The following PGLYRP3 variants were observed in gnomAD, a reference collection of about 807,000 sequenced individuals.
PGLYRP3 encodes the protein peptidoglycan recognition protein 3.
In PGLYRP3, 39 loss-of-function variants were observed where a neutral mutation model predicts 36.0. The ratio of observed to expected loss-of-function variants is 1.08; its 90% CI spans 0.84 to 1.41. The LOEUF is 1.41. PGLYRP3 is among the 40% of genes most tolerant of loss of function. PGLYRP3 has a pLI of 0.00. For missense variants in PGLYRP3, 407 were observed against 427.9 expected (o/e 0.95, Z 0.43); for synonymous variants, 204 against 172.8 (o/e 1.18, Z -1.42).
In PGLYRP3 at chr1:153,297,861, G is replaced by C. The variant is rs1659477647; in HGVS notation, c.*95C>G. The C allele has an allele frequency of 2.2e-6, 3 of 1,361,044 alleles. No individual in the cohort carries two copies. The highest frequency in any genetic ancestry group is 3.1e-6 in the Non-Finnish European group (3 of 979,336). The allele number at this position is 1,361,044 out of a possible 1,614,324, so 84.3% of individuals were successfully genotyped here. ...CCTGAGAAAGGATGGGCTGGCAGGG[G>C]AGGGGGACACAAGGTGCTGAGCCAC... is the stretch of plus-strand genomic sequence containing the variant. On this transcript the variant is annotated 3_prime_UTR_variant, in exon 8 of 8. Transcript: ENST00000683862.
At position 153,304,446 on chromosome 1, in the gene PGLYRP3, A is replaced by C. The variant is rs141190014; in HGVS notation, c.377-437T>G. ...GAGAGAAATGCTGTTACCTAGCCCC[A>C]GCTGTCAAATGAGGATGCTGGCAGG... On this transcript the variant is annotated intron_variant, in intron 4 of 7. Transcript: ENST00000683862. 3.1e-3 allele frequency among the ~76,000 whole-genome samples: 469 copies of C among 152,312 alleles called. 2 individuals are homozygous for C. Among genetic ancestry groups the C allele is most frequent in the African/African-American group, 1.0e-2 (415 of 41,564 alleles).
chr1:153,307,498 C>A (rs1659775384), intron 2 of PGLYRP3, among the ~76,000 whole-genome samples: 1 of 152,152 alleles, frequency 6.6e-6, no homozygotes, highest in African/African-American at 2.4e-5. Flanking sequence ...TGTTCCCAGA[C>A]AATCTCTCCT....
chr1:153,310,459 A>T, intron 2 of PGLYRP3, 152 bp downstream of exon 2: 1 of 775,496 alleles, frequency 1.3e-6, no homozygotes, highest in South Asian at 1.6e-5. Flanking sequence ...ATTTGAAAAA[A>T]ATCTGTAAAC....
At chr1:153,307,360 C>T (rs755147785) in intron 2 of PGLYRP3, 93 bp from the exon 3 acceptor site, 93 of 1,236,760 alleles carry the variant, frequency 7.5e-5, no homozygotes, top group Non-Finnish European at 8.9e-5. Flanking sequence ...TGCTCAGGCC[C>T]GACCTGCCCC....
chr1:153,310,600 A>G lies in PGLYRP3; in HGVS notation c.55+11T>C, dbSNP rs1260403160. On this transcript the variant is annotated intron_variant, in intron 2 of 7. Transcript: ENST00000683862. ...TCAAAAGCACTTCTGATGCAAGTAAATAAAACTTACCCCAAGCCTGGAGAC... is the reference window on the plus strand; with the variant it reads ...TCAAAAGCACTTCTGATGCAAGTAAGTAAAACTTACCCCAAGCCTGGAGAC... The G allele has an allele frequency of 6.2e-7, 1 of 1,613,868 alleles. No homozygotes were observed. The highest frequency in any genetic ancestry group is 1.3e-5 in the African/African-American group (1 of 74,922).
intron 7 of PGLYRP3, among the ~76,000 whole-genome samples, 183 bp downstream of exon 7, chr1:153,298,930 G>C (rs547142778): frequency 4.6e-5 from 7 of 152,256 alleles, no homozygotes; most frequent in East Asian, 1.9e-4. Context: ...GGTGGATTTG[G>C]GGGTAAATGC....
rs1659466111 is a variant in PGLYRP3, at chr1:153,297,569, G to GGAA, written c.*386_*387insTTC. 1.1e-5 allele frequency among the ~76,000 whole-genome samples: 1 copy of GGAA among 91,690 alleles called. No individual in the cohort carries two copies. Among genetic ancestry groups the GGAA allele is most frequent in the African/African-American group, 4.4e-5 (1 of 22,784 alleles). The allele number at this position is 91,690 out of a possible 152,430, so 60.2% of individuals were successfully genotyped here. On this transcript the variant is annotated 3_prime_UTR_variant, in exon 8 of 8. Coordinates refer to ENST00000683862, the MANE Select transcript of PGLYRP3 (RefSeq NM_052891.3). ...AAGGAAGGAAAGAAAGAAAAAGAAA[G>GGAA]AAAGAAAGAAAGAAGAAAGAAAGAA...
Position 153,307,169 on chromosome 1 carries a change from G to T in PGLYRP3, c.154C>A (p.Leu52Ile), listed in dbSNP as rs2101523003. The T allele has an allele frequency of 6.2e-7, 1 of 1,611,936 alleles. No individual in the cohort carries two copies. The highest frequency in any genetic ancestry group is 2.2e-5 in the East Asian group (1 of 44,826). ...TGCTGCTGGCACTGCATCCCTGGGA[G>T]CTGGTCTGTGATGATGTAGGCCACA... ...LPVAYIITDQ[L>I]PGMQCQQQSV... The change falls in exon 3 of 8, where the codon CTC becomes ATC. Residue 52 changes from leucine (L) to isoleucine (I), a missense_variant. Leu to Ile is a conservative substitution (Grantham distance 5). Transcript: ENST00000683862.
rs951254815 is a variant in PGLYRP3, at chr1:153,304,673, C to A, written c.376+274G>T. Among the ~76,000 whole-genome samples the A allele has an allele frequency of 2.3e-4, 35 of 152,216 alleles. 2 individuals are homozygous for A. The highest frequency in any genetic ancestry group is 2.3e-3 in the Admixed American group (35 of 15,284). On this transcript the variant is annotated intron_variant, in intron 4 of 7. Transcript: ENST00000683862. ...AGTCACAGCATCTATGTCAGACAAC[C>A]TCAGACTTTAGAAGTGACAGCAATA...
chr1:153,305,728 C>G (rs904824057), intron 3 of PGLYRP3, among the ~76,000 whole-genome samples: 40 of 152,186 alleles, frequency 2.6e-4, no homozygotes, highest in African/African-American at 9.4e-4. Flanking sequence ...AGAACACCTC[C>G]CTTAGGTCAA....
chr1:153,307,009 T>C (rs1455139352), intron 3 of PGLYRP3, 57 bp downstream of exon 3: 7 of 1,545,170 alleles, frequency 4.5e-6, no homozygotes, highest in Non-Finnish European at 6.2e-6. Context: ...GAAGGGGAAG[T>C]GGGAAGCACC....
chr1:153,309,840 GC>G (rs1659852476), intron 2 of PGLYRP3, among the ~76,000 whole-genome samples: 1 of 152,190 alleles, frequency 6.6e-6, no homozygotes, highest in Non-Finnish European at 1.5e-5. Flanking sequence ...AAAACTCCCT[GC>G]TTTGCTTGGG....
chr1:153,308,000 CTT>C (rs34266664), intron 2 of PGLYRP3, among the ~76,000 whole-genome samples: 2 of 145,244 alleles, frequency 1.4e-5, no homozygotes, highest in Admixed American at 6.8e-5. Context: ...TTCTCTCTCT[CTT>C]TTTTTTTTTT....
Position 153,297,550 on chromosome 1 carries a change from GGAAA to G in PGLYRP3, c.*402_*405del, listed in dbSNP as rs781111334. Among the ~76,000 whole-genome samples the G allele has an allele frequency of 0.12, 10,749 of 89,880 alleles. 1,389 individuals are homozygous for G. Among genetic ancestry groups the G allele is most frequent in the Non-Finnish European group, 0.15 (6,029 of 41,212 alleles). 59.0% of individuals were successfully genotyped at this position (89,880 alleles called of 152,430 possible). On this transcript the variant is annotated 3_prime_UTR_variant, in exon 8 of 8. Coordinates refer to ENST00000683862, the MANE Select transcript of PGLYRP3 (RefSeq NM_052891.3). Reference sequence around the variant, plus strand: ...AGGAAGGAAGGAAGGAAGGAAGGAAGGAAAGAAAGAAAAAGAAAGAAAGAAAGAA... The same window carrying G: ...AGGAAGGAAGGAAGGAAGGAAGGAAGGAAAGAAAAAGAAAGAAAGAAAGAA...
At chr1:153,303,779 A>G in intron 5 of PGLYRP3, 78 bp downstream of exon 5, 1 of 1,493,498 alleles carries the variant, frequency 6.7e-7, no homozygotes, top group Non-Finnish European at 9.0e-7. Context: ...TCTAACAGGA[A>G]AAAGCACTCC....
chr1:153,308,990 G>T (rs974695960), intron 2 of PGLYRP3, among the ~76,000 whole-genome samples: 2 of 126,356 alleles, frequency 1.6e-5, no homozygotes, highest in South Asian at 2.3e-4. Flanking sequence ...GTGACATGTT[G>T]AGCTAACACA....
chr1:153,298,293 A>G (rs116713720), intron 7 of PGLYRP3, among the ~76,000 whole-genome samples, 159 bp from the exon 8 acceptor site: 2,538 of 152,262 alleles, frequency 0.017, 71 homozygotes, highest in African/African-American at 0.057. Flanking sequence ...AATCAGGCAC[A>G]AAAAGAAAAC....
intron 7 of PGLYRP3, 114 bp from the exon 8 acceptor site, chr1:153,298,248 A>G (rs1659491546): frequency 3.5e-6 from 4 of 1,149,542 alleles, no homozygotes; most frequent in Admixed American, 4.3e-5. Flanking sequence ...CCATTCCGCC[A>G]TCACCATAGC....
chr1:153,302,659 G>T, intron 5 of PGLYRP3, 52 bp from the exon 6 acceptor site: 2 of 1,555,630 alleles, frequency 1.3e-6, no homozygotes, highest in East Asian at 2.2e-5. Flanking sequence ...GCCTCTCTGT[G>T]AGCAATCACT....
Sources: gnomAD v4.1 joint callset for allele counts (sites outside exome capture counted in the v4.1 genomes callset) on GRCh38, gnomAD v4.1.1 for gene constraint, MANE v1.5 for transcripts, NCBI Gene and HGNC (gene_info 2026-07-23, HGNC 2026-07-21) for gene names.